DENND5B: variants seen among roughly 807,000 people sequenced by gnomAD.
DENND5B encodes DENN domain containing 5B, also known as DENN domain-containing protein 5B.
DENND5B carries 34 observed loss-of-function variants against 140.6 expected under a neutral mutation model. That is an observed-to-expected ratio of 0.24 (90% CI 0.18 to 0.32). DENND5B has a LOEUF of 0.32. Among genes scored for constraint, DENND5B ranks in the 10% least tolerant of loss-of-function variants. The probability of loss-of-function intolerance (pLI) is 1.00; values close to 1 mark genes in which losing one functional copy is unlikely to be tolerated. For missense variants in DENND5B, 1,142 were observed against 1,560.2 expected (o/e 0.73, Z 4.52); for synonymous variants, 551 against 562.1 (o/e 0.98, Z 0.28).
At chr12:31,510,464 C>T (rs1390048572) in intron 1 of DENND5B, among the ~76,000 whole-genome samples, 1 of 152,134 alleles carries the variant, frequency 6.6e-6, no homozygotes, top group Non-Finnish European at 1.5e-5. Context: ...CACAGGCGCC[C>T]GCCACCACAC....
chr12:31,416,089 G>A (rs1338073064), intron 11 of DENND5B, among the ~76,000 whole-genome samples: 2 of 151,856 alleles, frequency 1.3e-5, no homozygotes, highest in Non-Finnish European at 2.9e-5. Flanking sequence ...CGCCTGCCTC[G>A]GCCTCCCAAA....
intron 11 of DENND5B, among the ~76,000 whole-genome samples, chr12:31,420,606 GCTGA>G (rs1801891578): frequency 6.6e-6 from 1 of 152,016 alleles, no homozygotes; most frequent in South Asian, 2.1e-4. Context: ...ACCATACCTG[GCTGA>G]CTTTTATATT....
At chr12:31,495,504 G>A (rs962754980) in intron 2 of DENND5B, among the ~76,000 whole-genome samples, 4 of 150,180 alleles carry the variant, frequency 2.7e-5, no homozygotes, top group East Asian at 3.9e-4. Context: ...TCAGCCTCCC[G>A]AGTAGCTGGG....
Position 31,475,487 on chromosome 12 carries a change from C to T in DENND5B, c.904+4102G>A, listed in dbSNP as rs183905920. Among the ~76,000 whole-genome samples, 103 of 152,306 alleles carry T rather than the reference C, an allele frequency of 6.8e-4. 2 individuals are homozygous for T. The highest frequency in any genetic ancestry group is 2.1e-3 in the African/African-American group (87 of 41,574). ...AGGACAAGCTAAGCAGTGGCTCACACCTGTAAACCCTACACTTTGGGAAGC... is the reference window on the plus strand; with the variant it reads ...AGGACAAGCTAAGCAGTGGCTCACATCTGTAAACCCTACACTTTGGGAAGC... On this transcript the variant is annotated intron_variant, in intron 3 of 20. Coordinates refer to ENST00000389082, the MANE Select transcript of DENND5B (RefSeq NM_144973.4).
At chr12:31,394,328 T>C (rs1941315625) in intron 17 of DENND5B, among the ~76,000 whole-genome samples, 1 of 152,250 alleles carries the variant, frequency 6.6e-6, no homozygotes, top group East Asian at 1.9e-4. Context: ...TTGGGTCATT[T>C]AGACTTTTCT....
chr12:31,454,096 C>G (rs11051435), intron 4 of DENND5B, among the ~76,000 whole-genome samples: 1 of 150,174 alleles, frequency 6.7e-6, no homozygotes. Context: ...GAGCTAAGAT[C>G]GTGCCACTGC....
intron 7 of DENND5B, among the ~76,000 whole-genome samples, chr12:31,439,695 C>T (rs887448410): frequency 1.3e-5 from 2 of 151,912 alleles, no homozygotes; most frequent in Non-Finnish European, 2.9e-5. Context: ...TTTGGGAGGC[C>T]GAGGTGGGCG....
At chr12:31,505,129 T>C (rs926264013) in intron 1 of DENND5B, among the ~76,000 whole-genome samples, 1 of 152,208 alleles carries the variant, frequency 6.6e-6, no homozygotes, top group African/African-American at 2.4e-5. Context: ...ACTTTCTGAC[T>C]ATAATACTAA....
chr12:31,423,239 CA>C (rs1314264995), intron 11 of DENND5B, among the ~76,000 whole-genome samples: 1 of 151,666 alleles, frequency 6.6e-6, no homozygotes, highest in Non-Finnish European at 1.5e-5. Flanking sequence ...CCGTGCCTAG[CA>C]TAAAACTTGT....
intron 7 of DENND5B, among the ~76,000 whole-genome samples, chr12:31,434,018 A>C (rs1048446087): frequency 3.9e-5 from 6 of 152,202 alleles, no homozygotes; most frequent in Admixed American, 2.6e-4. Flanking sequence ...ATTCAAACTC[A>C]TAAGAGTGAG....
At chr12:31,392,750 T>C in intron 17 of DENND5B, 54 bp from the exon 18 acceptor site, 2 of 1,468,992 alleles carry the variant, frequency 1.4e-6, no homozygotes, top group South Asian at 1.3e-5. Context: ...TAAACCAAAG[T>C]ACTATGGGAC....
intron 14 of DENND5B, among the ~76,000 whole-genome samples, chr12:31,403,373 C>A (rs1941916401): frequency 7.3e-6 from 1 of 137,174 alleles, no homozygotes; most frequent in African/African-American, 2.5e-5. Context: ...TATGCATGTC[C>A]TCCCTTCTTT....
At chr12:31,511,641 T>C (rs1947421373) in intron 1 of DENND5B, among the ~76,000 whole-genome samples, 2 of 152,102 alleles carry the variant, frequency 1.3e-5, no homozygotes, top group South Asian at 4.1e-4. Flanking sequence ...ACATTAACAC[T>C]GTTAAATTAT....
chr12:31,508,293 A>G (rs1947279540), intron 1 of DENND5B, among the ~76,000 whole-genome samples: 1 of 152,200 alleles, frequency 6.6e-6, no homozygotes, highest in Non-Finnish European at 1.5e-5. Context: ...ACTATCACCA[A>G]AAAAATTTTT....
At chr12:31,551,828 T>C (rs1949073132) in intron 1 of DENND5B, among the ~76,000 whole-genome samples, 1 of 152,280 alleles carries the variant, frequency 6.6e-6, no homozygotes, top group South Asian at 2.1e-4. Flanking sequence ...TTGAAGCAAT[T>C]GTGAATGGGA....
At chr12:31,523,059 C>CT in intron 1 of DENND5B, among the ~76,000 whole-genome samples, 1 of 143,686 alleles carries the variant, frequency 7.0e-6, no homozygotes. Context: ...CTTTTTTTTT[C>CT]CTTTTTTTTT....
chr12:31,527,921 C>G (rs1433057154), intron 1 of DENND5B, among the ~76,000 whole-genome samples: 1 of 150,976 alleles, frequency 6.6e-6, no homozygotes, highest in Non-Finnish European at 1.5e-5. Flanking sequence ...GGATAGTCTG[C>G]AAGACAATAT....
In DENND5B at chr12:31,382,354, C is replaced by G. The variant is rs1940670598; in HGVS notation, c.*5249G>C. 6.6e-6 allele frequency: 1 copy of G among 152,080 alleles called. No individual in the cohort carries two copies. The highest frequency in any genetic ancestry group is 2.4e-5 in the African/African-American group (1 of 41,404). The allele number at this position is 152,080 out of a possible 1,614,324, so 9.4% of individuals were successfully genotyped here. A position where few individuals can be genotyped will look rare whatever the true frequency, so the allele number is the denominator to read the frequency against. On this transcript the variant is annotated 3_prime_UTR_variant, in exon 21 of 21. Coordinates refer to ENST00000389082, the MANE Select transcript of DENND5B (RefSeq NM_144973.4). Reference sequence around the variant, plus strand: ...TTAAAGTGCTTAATATCACAATACTCTTTCAAATTTTATATTATGTTCAGA... The same window carrying G: ...TTAAAGTGCTTAATATCACAATACTGTTTCAAATTTTATATTATGTTCAGA...
intron 1 of DENND5B, chr12:31,500,401 TG>T (rs1427659541): frequency 4.4e-6 from 2 of 453,762 alleles, no homozygotes; most frequent in African/African-American, 4.0e-5. Flanking sequence ...ACATCCTGGC[TG>T]GGCATGTTGG....
Sources: allele counts gnomAD v4.1 joint callset (sites outside exome capture counted in the v4.1 genomes callset), GRCh38; gene constraint gnomAD v4.1.1; transcripts MANE v1.5; gene names NCBI Gene and HGNC (gene_info 2026-07-23, HGNC 2026-07-21).